Variants in ARFRP1 observed in about 807,000 individuals in gnomAD.
The protein encoded by ARFRP1 is ADP-ribosylation factor-related protein 1.
A neutral mutation model predicts 30.3 loss-of-function variants in ARFRP1; 19 were observed. The ratio of observed to expected loss-of-function variants is 0.63; its 90% CI spans 0.44 to 0.92. The LOEUF is 0.92. Among genes scored for constraint, ARFRP1 ranks in the 40% least tolerant of loss-of-function variants. The probability of loss-of-function intolerance (pLI) is 0.00; values close to 1 mark genes in which losing one functional copy is unlikely to be tolerated. For missense variants in ARFRP1, 245 were observed against 267.5 expected, an observed-to-expected ratio of 0.92 and a Z score of 0.59; for synonymous variants, 133 against 114.2, an observed-to-expected ratio of 1.16 and a Z score of -1.05.
intron 6 of ARFRP1, chr20:63,701,431 CCACCTCCAAGGGTAG>C (rs774986434): frequency 1.4e-5 from 7 of 503,340 alleles, no homozygotes; most frequent in Non-Finnish European, 2.4e-5. Flanking sequence ...GGCACAGATG[CCACCTCCAAGGGTAG>C]CAGGAACAGG....
Position 63,706,638 on chromosome 20 carries a change from T to C in ARFRP1, c.181+13A>G, listed in dbSNP as rs375086901. The C allele has an allele frequency of 2.6e-5, 42 of 1,594,160 alleles. No homozygotes were observed. Among genetic ancestry groups the C allele is most frequent in the Non-Finnish European group, 3.4e-5 (39 of 1,161,974 alleles). On this transcript the variant is annotated intron_variant, in intron 3 of 7. Coordinates refer to ENST00000622789, the MANE Select transcript of ARFRP1 (RefSeq NM_001267547.3). ...AAGGCCCCAAACCCACAGCCTGCTA[T>C]TGAGACCCTTACTGTTTAGGCCCAC...
At chr20:63,707,256 T>A (rs907991952) in intron 1 of ARFRP1, 159 bp from the exon 2 acceptor site, 2 of 627,560 alleles carry the variant, frequency 3.2e-6, no homozygotes, top group Non-Finnish European at 5.6e-6. Context: ...CCCGTCCCTC[T>A]GTAACTTCTC....
chr20:63,703,616 G>A (rs542656764), intron 4 of ARFRP1: 1 of 152,504 alleles, frequency 6.6e-6, no homozygotes, highest in East Asian at 1.9e-4. Context: ...CGGACCCTAA[G>A]GTGGAGACCT....
rs1485078263 is a variant in ARFRP1, at chr20:63,701,918, GGCAGC to G, written c.347-23_347-19del. ...CACCTTCTCTGGGGAGGGCAGGAGA[GGCAGC>G]GCCTCACACCCAGCATCCTGCCTCT... On this transcript the variant is annotated intron_variant, in intron 5 of 7. Transcript: ENST00000622789. 2 of 1,549,112 alleles carry G rather than the reference GGCAGC, an allele frequency of 1.3e-6. No homozygotes were observed. Among genetic ancestry groups the G allele is most frequent in the Admixed American group, 3.9e-5 (2 of 50,932 alleles).
Position 63,706,722 on chromosome 20 carries a change from G to T in ARFRP1, c.110C>A (p.Ser37Ter). The change falls in exon 3 of 8, where the codon TCG becomes TAG. Residue 37 changes from serine to a stop codon, truncating the protein, a stop_gained. Transcript: ENST00000622789. LOFTEE classifies it high-confidence loss of function. ...GTAGTTCTTGTTAAATCGGGTTTTCGACTGCTCCAGGAAGGTCTGAGGAGA... is the reference window on the plus strand; with the variant it reads ...GTAGTTCTTGTTAAATCGGGTTTTCTACTGCTCCAGGAAGGTCTGAGGAGA... ...NAGKTTFLEQ[S>*]KTRFNKNYKG... 6.2e-7 allele frequency: 1 copy of T among 1,613,564 alleles called. No homozygotes were observed. Among genetic ancestry groups the T allele is most frequent in the South Asian group, 1.1e-5 (1 of 91,058 alleles).
At position 63,701,869 on chromosome 20, in the gene ARFRP1, A is replaced by G; in HGVS notation, c.378T>C (p.Gly126=). 1 of 1,550,386 alleles carries G rather than the reference A, an allele frequency of 6.5e-7. No homozygotes were observed. The highest frequency in any genetic ancestry group is 8.7e-7 in the Non-Finnish European group (1 of 1,147,062). The change falls in exon 6 of 8, where the codon GGT becomes GGC. Residue 126 remains glycine (G), a synonymous_variant. Coordinates refer to ENST00000622789, the MANE Select transcript of ARFRP1 (RefSeq NM_001267547.3). ...EKVVTSEALC[G]VPVLVLANKQ... ...TGTTGGCCAGCACCAAGACGGGGAC[A>G]CCGCACAGCGCCTCGCTGGTCACCA...
chr20:63,701,927 T>A (rs2091224900), intron 5 of ARFRP1, 27 bp from the exon 6 acceptor site: 2 of 1,536,050 alleles, frequency 1.3e-6, no homozygotes, highest in Non-Finnish European at 1.7e-6. Flanking sequence ...AGGCAGCGCC[T>A]CACACCCAGC....
intron 4 of ARFRP1, 158 bp downstream of exon 4, chr20:63,706,199 A>G: frequency 1.4e-6 from 1 of 710,048 alleles, no homozygotes; most frequent in Admixed American, 2.3e-5. Context: ...AGCTGGGACA[A>G]AACAGGGAGC....
In ARFRP1 at chr20:63,701,905, G is replaced by A; in HGVS notation, c.347-5C>T. The A allele has an allele frequency of 6.5e-7, 1 of 1,549,962 alleles. No homozygotes were observed. The highest frequency in any genetic ancestry group is 8.7e-7 in the Non-Finnish European group (1 of 1,146,862). On this transcript the variant is annotated splice_polypyrimidine_tract_variant and splice_region_variant and intron_variant, in intron 5 of 7. Coordinates refer to ENST00000622789, the MANE Select transcript of ARFRP1 (RefSeq NM_001267547.3). ...CCTCGCTGGTCACCACCTTCTCTGG[G>A]GAGGGCAGGAGAGGCAGCGCCTCAC...
rs550753934 is a variant in ARFRP1, at chr20:63,700,073, C to T, written c.*370G>A. 1.7e-3 allele frequency: 546 copies of T among 313,146 alleles called. 2 individuals carry two copies. The highest frequency in any genetic ancestry group is 2.3e-3 in the Middle Eastern group (2 of 870). The allele number at this position is 313,146 out of a possible 1,614,324, so 19.4% of individuals were successfully genotyped here. ...CTCCTCGATGGGGCGGAGACAGCCA[C>T]GGGGTCTCCCGAGGGTCCCACAGGG... On this transcript the variant is annotated 3_prime_UTR_variant, in exon 8 of 8. Transcript: ENST00000622789.
chr20:63,701,834 A>C lies in ARFRP1; in HGVS notation c.413T>G (p.Val138Gly). 2 of 1,550,214 alleles carry C rather than the reference A, an allele frequency of 1.3e-6. No individual in the cohort carries two copies. Among genetic ancestry groups the C allele is most frequent in the Non-Finnish European group, 1.7e-6 (2 of 1,146,930 alleles). ...GGAGGCAGGGGTGGGGCTCACCTCC[A>C]CATCCTGCTTGTTGGCCAGCACCAA... ...PVLVLANKQD[V>G]ETCLSIPDIK... The change falls in exon 6 of 8, where the codon GTG becomes GGG. Residue 138 changes from valine (V) to glycine (G), a missense_variant. Val to Gly is a moderately radical substitution (Grantham distance 109). Coordinates refer to ENST00000622789, the MANE Select transcript of ARFRP1 (RefSeq NM_001267547.3).
chr20:63,699,267 A>T lies in ARFRP1; in HGVS notation c.*1176T>A, dbSNP rs916639601. 2 of 149,326 alleles carry T rather than the reference A, an allele frequency of 1.3e-5. No individual in the cohort carries two copies. The highest frequency in any genetic ancestry group is 5.0e-5 in the African/African-American group (2 of 40,390). 9.3% of individuals were successfully genotyped at this position (149,326 alleles called of 1,614,324 possible). ...AGGACGCGGGGACTTCCAGGGCCCG[A>T]CTCCTGTGAGTCACAGCCCCGCAGC... is the stretch of plus-strand genomic sequence containing the variant. On this transcript the variant is annotated 3_prime_UTR_variant, in exon 8 of 8. Transcript: ENST00000622789.
intron 4 of ARFRP1, 118 bp downstream of exon 4, chr20:63,706,239 G>C: frequency 9.3e-6 from 9 of 963,552 alleles, no homozygotes; most frequent in Non-Finnish European, 1.5e-5. Flanking sequence ...GGACCAGAGA[G>C]AAAACCCGAG....
chr20:63,704,545 T>C (rs1395870380), intron 4 of ARFRP1: 1 of 152,076 alleles, frequency 6.6e-6, no homozygotes, highest in Non-Finnish European at 1.5e-5. Flanking sequence ...GCAGAAGTGG[T>C]AGTGAATTGG....
Position 63,700,681 on chromosome 20 carries a change from T to G in ARFRP1, c.439A>C (p.Ile147Leu). 1 of 1,610,900 alleles carries G rather than the reference T, an allele frequency of 6.2e-7. No individual in the cohort carries two copies. The highest frequency in any genetic ancestry group is 8.5e-7 in the Non-Finnish European group (1 of 1,179,870). ...DVETCLSIPDIKTAFSDCTSK... is the reference protein window; with the variant it reads ...DVETCLSIPDLKTAFSDCTSK... Reference sequence around the variant, plus strand: ...GTGCAGTCGCTGAAGGCCGTCTTGATGTCAGGGATTGAGAGGCACGTCTGG... The same window carrying G: ...GTGCAGTCGCTGAAGGCCGTCTTGAGGTCAGGGATTGAGAGGCACGTCTGG... Residue 147 changes from isoleucine to leucine, a missense_variant, in exon 7 of 8, where the codon ATC becomes CTC. Ile to Leu is a conservative substitution (Grantham distance 5). Coordinates refer to ENST00000622789, the MANE Select transcript of ARFRP1 (RefSeq NM_001267547.3).
intron 3 of ARFRP1, 72 bp from the exon 4 acceptor site, chr20:63,706,511 G>C (rs1269376504): frequency 6.4e-7 from 1 of 1,554,306 alleles, no homozygotes; most frequent in Non-Finnish European, 8.9e-7. Flanking sequence ...CTCTCCCAGG[G>C]GATGGGGCAA....
chr20:63,702,012 C>CT lies in ARFRP1; in HGVS notation c.347-113_347-112insA, dbSNP rs398036056. 3.3e-6 allele frequency: 3 copies of CT among 907,248 alleles called. No individual in the cohort carries two copies. The African/African-American group carries it at 6.1e-5, about 18-fold the overall frequency. The allele number at this position is 907,248 out of a possible 1,614,324, so 56.2% of individuals were successfully genotyped here. Reference sequence around the variant, plus strand: ...CCACTCCCTCTGCCCCCCCCCCCCCCGTCACCCACTAGGCAGGAGCACTTC... The same window carrying CT: ...CCACTCCCTCTGCCCCCCCCCCCCCCTGTCACCCACTAGGCAGGAGCACTTC... On this transcript the variant is annotated intron_variant, in intron 5 of 7. Coordinates refer to ENST00000622789, the MANE Select transcript of ARFRP1 (RefSeq NM_001267547.3).
intron 4 of ARFRP1, chr20:63,705,500 T>C: frequency 2.3e-6 from 1 of 430,894 alleles, no homozygotes; most frequent in Non-Finnish European, 4.6e-6. Context: ...CTTGGGGGTG[T>C]GGGGAAGGGG....
In ARFRP1 at chr20:63,700,179, G is replaced by A. The variant is rs1160602501; in HGVS notation, c.*264C>T. On this transcript the variant is annotated 3_prime_UTR_variant, in exon 8 of 8. Coordinates refer to ENST00000622789, the MANE Select transcript of ARFRP1 (RefSeq NM_001267547.3). Reference sequence around the variant, plus strand: ...GTCTCCCTCAGACCCCCCAGAAAGGGCCTCGAAAGGCCGCCGCTGCGCCCT... The same window carrying A: ...GTCTCCCTCAGACCCCCCAGAAAGGACCTCGAAAGGCCGCCGCTGCGCCCT... The A allele has an allele frequency of 1.8e-5, 9 of 492,400 alleles. No individual in the cohort carries two copies. Among genetic ancestry groups the A allele is most frequent in the Non-Finnish European group, 3.0e-5 (8 of 269,976 alleles). 30.5% of individuals were successfully genotyped at this position (492,400 alleles called of 1,614,324 possible). A position where few individuals can be genotyped will look rare whatever the true frequency, so the allele number is the denominator to read the frequency against.
Sources: allele counts gnomAD v4.1 joint callset, GRCh38; gene constraint gnomAD v4.1.1; transcripts MANE v1.5; gene names NCBI Gene and HGNC (gene_info 2026-07-23, HGNC 2026-07-21).